ROBO2: variants seen among roughly 807,000 people sequenced by gnomAD.
ROBO2 encodes the protein roundabout homolog 2.
A neutral mutation model predicts 160.8 loss-of-function variants in ROBO2; 53 were observed. That is an observed-to-expected ratio of 0.33 (90% CI 0.26 to 0.41). ROBO2 has a LOEUF of 0.41. Among genes scored for constraint, ROBO2 ranks in the 10% least tolerant of loss-of-function variants. ROBO2 has a pLI of 1.00. For missense variants in ROBO2, 1,577 were observed against 1,722.4 expected, an observed-to-expected ratio of 0.92 and a Z score of 1.49; for synonymous variants, 664 against 611.7, an observed-to-expected ratio of 1.09 and a Z score of -1.26.
At chr3:76,228,313 T>C (rs1263802237) in intron 2 of ROBO2, among the ~76,000 whole-genome samples, 3 of 152,206 alleles carry the variant, frequency 2.0e-5, no homozygotes, top group Non-Finnish European at 4.4e-5. Context: ...AGAATGGTTC[T>C]ATAAATAGGC....
At position 77,060,103 on chromosome 3, in the gene ROBO2, A is replaced by G. The variant is rs113702262; in HGVS notation, c.61+19257A>G. Among the ~76,000 whole-genome samples the G allele has an allele frequency of 3.6e-3, 538 of 150,316 alleles. 3 individuals carry two copies. Among genetic ancestry groups the G allele is most frequent in the African/African-American group, 0.012 (476 of 40,716 alleles). ...CTATAAATTCAGTCTCTGAGTCCAG[A>G]GGGTAATTAGTCAAGACTTCTAGAT... On this transcript the variant is annotated intron_variant, in intron 1 of 25. Coordinates refer to ENST00000461745, the Ensembl canonical transcript of ROBO2.
intron 2 of ROBO2, among the ~76,000 whole-genome samples, chr3:76,684,736 C>T (rs1380244582): frequency 1.3e-5 from 2 of 152,018 alleles, no homozygotes; most frequent in African/African-American, 2.4e-5. Context: ...TAAGGCTGTG[C>T]CCCCACACTG....
chr3:77,124,983 T>A (rs1347047178), intron 2 of ROBO2, among the ~76,000 whole-genome samples: 3 of 152,082 alleles, frequency 2.0e-5, no homozygotes, highest in African/African-American at 7.2e-5. Flanking sequence ...TTACTCATTA[T>A]AAATACTTAA....
chr3:76,710,207 G>C lies in ROBO2; in HGVS notation c.110-387807G>C, dbSNP rs546991664. 4.6e-5 allele frequency among the ~76,000 whole-genome samples: 7 copies of C among 151,650 alleles called. No homozygotes were observed. The East Asian group carries it at 1.4e-3, about 30-fold the overall frequency. On this transcript the variant is annotated intron_variant, in intron 2 of 26. Transcript: ENST00000487694. Reference sequence around the variant, plus strand: ...ACAATCTCAGCTCACTGCAACCTCTGCCTCCTTGGTTCAAGCAATTCTCCT... The same window carrying C: ...ACAATCTCAGCTCACTGCAACCTCTCCCTCCTTGGTTCAAGCAATTCTCCT...
intron 2 of ROBO2, among the ~76,000 whole-genome samples, chr3:76,510,345 G>C (rs4856040): frequency 0.1 from 15,389 of 152,198 alleles, 1,057 homozygotes; most frequent in East Asian, 0.22. Flanking sequence ...GAAAAGCATG[G>C]CGTTAGAGTG....
At chr3:76,412,897 TG>T (rs2075568238) in intron 2 of ROBO2, among the ~76,000 whole-genome samples, 1 of 152,198 alleles carries the variant, frequency 6.6e-6, no homozygotes, top group East Asian at 1.9e-4. Flanking sequence ...AGACTATGTG[TG>T]GGGGCTCTGA....
At chr3:76,636,101 A>G (rs56077355) in intron 2 of ROBO2, among the ~76,000 whole-genome samples, 4,759 of 152,326 alleles carry the variant, frequency 0.031, 87 homozygotes, top group Middle Eastern at 0.071. Flanking sequence ...TTTCATCATA[A>G]AAATAATGAT....
chr3:76,121,642 G>A (rs1245237587), intron 2 of ROBO2, among the ~76,000 whole-genome samples: 1 of 152,134 alleles, frequency 6.6e-6, no homozygotes, highest in Non-Finnish European at 1.5e-5. Flanking sequence ...TGAGTATGTT[G>A]TTCTGTGTGA....
At chr3:76,842,219 G>C (rs1463180757) in intron 2 of ROBO2, among the ~76,000 whole-genome samples, 1 of 152,176 alleles carries the variant, frequency 6.6e-6, no homozygotes, top group Non-Finnish European at 1.5e-5. Flanking sequence ...TACGGCTGTT[G>C]CTGTTGTAAG....
At chr3:77,077,386 C>T (rs1360760187) in intron 1 of ROBO2, among the ~76,000 whole-genome samples, 5 of 152,066 alleles carry the variant, frequency 3.3e-5, no homozygotes, top group Middle Eastern at 3.2e-3. Flanking sequence ...CTGTGCTGGA[C>T]GTCAGAAATA....
At chr3:76,184,325 C>T (rs1439013615) in intron 2 of ROBO2, among the ~76,000 whole-genome samples, 1 of 152,022 alleles carries the variant, frequency 6.6e-6, no homozygotes, top group Non-Finnish European at 1.5e-5. Flanking sequence ...TGTTAACTTG[C>T]CAACGATCCG....
intron 22 of ROBO2, among the ~76,000 whole-genome samples, chr3:77,620,843 T>TA: frequency 6.6e-6 from 1 of 152,246 alleles, no homozygotes; most frequent in African/African-American, 2.4e-5. Context: ...CAGCCAACAA[T>TA]AAAAATGCAT....
intron 2 of ROBO2, among the ~76,000 whole-genome samples, chr3:76,633,684 A>C (rs13091973): frequency 0.21 from 32,467 of 152,172 alleles, 3,664 homozygotes; most frequent in Middle Eastern, 0.28. Context: ...AGTCTACGCC[A>C]GGCATGTCCT....
At chr3:77,214,316 C>T (rs1289630822) in intron 2 of ROBO2, among the ~76,000 whole-genome samples, 1 of 152,262 alleles carries the variant, frequency 6.6e-6, no homozygotes, top group East Asian at 1.9e-4. Context: ...TTGAATTGAT[C>T]CCTTTCCCAT....
intron 2 of ROBO2, among the ~76,000 whole-genome samples, chr3:77,374,986 A>G (rs1189799323): frequency 1.3e-5 from 2 of 152,160 alleles, no homozygotes; most frequent in Non-Finnish European, 2.9e-5. Context: ...AAGTGAGAGG[A>G]TTGCTTGAGG....
chr3:76,855,331 C>G (rs1392430865), intron 2 of ROBO2, among the ~76,000 whole-genome samples: 2 of 152,108 alleles, frequency 1.3e-5, no homozygotes, highest in African/African-American at 4.8e-5. Context: ...TTACATATCA[C>G]CTAGACTGTT....
chr3:77,004,617 G>A (rs951343039), intron 2 of ROBO2, among the ~76,000 whole-genome samples: 5 of 152,166 alleles, frequency 3.3e-5, no homozygotes, highest in Non-Finnish European at 7.3e-5. Context: ...TCCCATTCAT[G>A]CTTTTGGGAC....
chr3:76,651,376 C>T (rs756484337), intron 2 of ROBO2, among the ~76,000 whole-genome samples: 16 of 152,126 alleles, frequency 1.1e-4, no homozygotes, highest in Non-Finnish European at 2.2e-4. Context: ...GGCTCATGCC[C>T]TCCTCCTAGG....
chr3:76,369,324 G>C (rs1488340693), intron 2 of ROBO2, among the ~76,000 whole-genome samples: 1 of 151,870 alleles, frequency 6.6e-6, no homozygotes, highest in Non-Finnish European at 1.5e-5. Context: ...CGGTTTCCAC[G>C]CTCTCTTCTC....
Sources: gnomAD v4.1 joint callset for allele counts (sites outside exome capture counted in the v4.1 genomes callset) on GRCh38, gnomAD v4.1.1 for gene constraint, MANE v1.5 for transcripts, NCBI Gene and HGNC (gene_info 2026-07-23, HGNC 2026-07-21) for gene names.